The following NAALADL2 variants were observed in gnomAD, a reference collection of about 807,000 sequenced individuals.
NAALADL2 encodes N-acetylated alpha-linked acidic dipeptidase like 2.
NAALADL2 carries 76 observed loss-of-function variants against 87.2 expected under a neutral mutation model. The ratio of observed to expected loss-of-function variants is 0.87; its 90% CI spans 0.72 to 1.05. NAALADL2 has a LOEUF of 1.05. Ranked by LOEUF, NAALADL2 falls within the 50% of genes least tolerant of loss-of-function variation. The pLI, the probability that NAALADL2 is intolerant of heterozygous loss-of-function variation, is 0.00. For missense variants in NAALADL2, 1,089 were observed against 945.8 expected (o/e 1.15, Z -1.99); for synonymous variants, 354 against 331.0 (o/e 1.07, Z -0.75).
intron 2 of NAALADL2, among the ~76,000 whole-genome samples, chr3:175,211,432 T>C (rs1447707244): frequency 6.6e-6 from 1 of 151,956 alleles, no homozygotes; most frequent in South Asian, 2.1e-4. Context: ...ACACTTCCTA[T>C]TGAAACTAGT....
chr3:175,275,578 C>A (rs1753474692), intron 4 of NAALADL2, among the ~76,000 whole-genome samples: 1 of 151,302 alleles, frequency 6.6e-6, no homozygotes, highest in African/African-American at 2.5e-5. Flanking sequence ...TAAACTGTCT[C>A]CTTGTAACAA....
intron 1 of NAALADL2, among the ~76,000 whole-genome samples, chr3:175,011,273 A>G (rs1283707738): frequency 1.1e-5 from 1 of 94,538 alleles, no homozygotes; most frequent in African/African-American, 7.1e-5. Context: ...GGAGAGAGAC[A>G]GAGAGACAGA....
At chr3:175,684,882 TTTTA>T (rs1377116257) in intron 11 of NAALADL2, among the ~76,000 whole-genome samples, 4 of 152,334 alleles carry the variant, frequency 2.6e-5, no homozygotes, top group East Asian at 1.9e-4. Context: ...GAAAATATGA[TTTTA>T]TTTATTTCCT....
chr3:175,277,852 C>T (rs571548950), intron 4 of NAALADL2, among the ~76,000 whole-genome samples: 2 of 152,180 alleles, frequency 1.3e-5, no homozygotes, highest in Non-Finnish European at 1.5e-5. Context: ...TCTTTTACTA[C>T]TCAAATTCTG....
Position 175,559,434 on chromosome 3 carries a change from T to C in NAALADL2, c.1654-16607T>C, listed in dbSNP as rs577148854. 2.0e-3 allele frequency among the ~76,000 whole-genome samples: 298 copies of C among 151,920 alleles called. 2 individuals carry two copies. The highest frequency in any genetic ancestry group is 6.9e-3 in the African/African-American group (286 of 41,472). ...TTCCAATTTGGATGCCCTTTATTTT[T>C]TTCTCTTGTCTGATTGCTTTAGCTA... On this transcript the variant is annotated intron_variant, in intron 9 of 13. Transcript: ENST00000454872.
intron 11 of NAALADL2, among the ~76,000 whole-genome samples, chr3:175,686,684 T>G (rs948553142): frequency 2.6e-5 from 4 of 152,170 alleles, no homozygotes; most frequent in Non-Finnish European, 4.4e-5. Context: ...GATTATTTTC[T>G]TCGTGAAGAT....
chr3:174,476,167 A>G (rs1212438319), intron 1 of NAALADL2, among the ~76,000 whole-genome samples: 4 of 151,980 alleles, frequency 2.6e-5, no homozygotes, highest in Non-Finnish European at 5.9e-5. Flanking sequence ...GACCCCATGA[A>G]AATTTATTAA....
intron 2 of NAALADL2, among the ~76,000 whole-genome samples, chr3:174,581,170 C>T (rs1288261468): frequency 6.6e-6 from 1 of 152,108 alleles, no homozygotes; most frequent in Non-Finnish European, 1.5e-5. Flanking sequence ...AATCATTACA[C>T]TGTTTTTGAG....
intron 2 of NAALADL2, among the ~76,000 whole-genome samples, chr3:174,736,417 T>A (rs1473283873): frequency 3.3e-5 from 5 of 152,014 alleles, no homozygotes; most frequent in Non-Finnish European, 5.9e-5. Flanking sequence ...AGACCCACAT[T>A]GGGTAGCTCC....
At chr3:175,465,471 A>ATTTTTTTTTTTTTTTTTTTT (rs1560595976) in intron 7 of NAALADL2, among the ~76,000 whole-genome samples, 1 of 129,088 alleles carries the variant, frequency 7.7e-6, no homozygotes, top group Admixed American at 9.3e-5. Flanking sequence ...CATGAATTAA[A>ATTTTTTTTTTTTTTTTTTTT]TCTTTTTTTT....
Position 175,070,621 on chromosome 3 carries a change from T to C in NAALADL2, c.44-26169T>C, listed in dbSNP as rs1023818744. Among the ~76,000 whole-genome samples, 7 of 152,216 alleles carry C rather than the reference T, an allele frequency of 4.6e-5. No individual in the cohort carries two copies. The South Asian group carries it at 1.5e-3, about 32-fold the overall frequency. ...GTCACTACCTATCAAAGGAAAATTA[T>C]GCTATGGTATAGGGAATCCCAACAT... On this transcript the variant is annotated intron_variant, in intron 1 of 13. Transcript: ENST00000454872.
chr3:175,547,151 A>T (rs941408193), intron 9 of NAALADL2, among the ~76,000 whole-genome samples: 3 of 152,024 alleles, frequency 2.0e-5, no homozygotes, highest in Non-Finnish European at 4.4e-5. Context: ...AGGCATCACT[A>T]CCTGATTTCA....
At chr3:175,270,977 T>A (rs1258612163) in intron 4 of NAALADL2, 1 of 152,220 alleles carries the variant, frequency 6.6e-6, no homozygotes, top group African/African-American at 2.4e-5. Context: ...CATTCTGTAT[T>A]TATTTTTATT....
At chr3:175,448,691 AT>A (rs372499191) in intron 6 of NAALADL2, among the ~76,000 whole-genome samples, 1,983 of 152,098 alleles carry the variant, frequency 0.013, 31 homozygotes, top group Non-Finnish European at 0.015. Flanking sequence ...CTTTTTTAAA[AT>A]TTTTTTGTGT....
chr3:174,868,407 T>G (rs1345906788), intron 1 of NAALADL2, among the ~76,000 whole-genome samples: 1 of 152,146 alleles, frequency 6.6e-6, no homozygotes, highest in Non-Finnish European at 1.5e-5. Context: ...ATTAAAAACA[T>G]AAATATGCCA....
intron 2 of NAALADL2, among the ~76,000 whole-genome samples, chr3:174,678,164 A>G (rs1382423926): frequency 6.6e-6 from 1 of 152,168 alleles, no homozygotes; most frequent in Non-Finnish European, 1.5e-5. Flanking sequence ...ACTGCTTTAC[A>G]CACACTACCT....
intron 3 of NAALADL2, among the ~76,000 whole-genome samples, chr3:174,749,517 C>G (rs915426566): frequency 3.4e-5 from 5 of 146,494 alleles, no homozygotes; most frequent in African/African-American, 1.3e-4. Context: ...AAAAAAAAAA[C>G]AGCAAAAAAG....
At position 175,234,166 on chromosome 3, in the gene NAALADL2, T is replaced by C; in HGVS notation, c.781T>C (p.Tyr261His). ...ARKDSSQDLL[Y>H]SYAAYSAKGT... ...AAAAGATAGCAGCCAAGACCTGCTC[T>C]ATTCATATGCAGCCTATTCTGCCAA... The change falls in exon 3 of 14, where the codon TAT (tyrosine) becomes CAT (histidine). Residue 261 changes from tyrosine (Y) to histidine (H), a missense_variant. Coordinates refer to ENST00000454872, the MANE Select transcript of NAALADL2 (RefSeq NM_207015.3). 2 of 1,613,916 alleles carry C rather than the reference T, an allele frequency of 1.2e-6. No individual in the cohort carries two copies. Among genetic ancestry groups the C allele is most frequent in the Non-Finnish European group, 1.7e-6 (2 of 1,179,816 alleles).
Position 175,759,636 on chromosome 3 carries a change from G to A in NAALADL2, c.2189+4218G>A, listed in dbSNP as rs1222492176. Among the ~76,000 whole-genome samples the A allele has an allele frequency of 1.2e-4, 19 of 152,294 alleles. No homozygotes were observed. The East Asian group carries it at 1.7e-3, about 14-fold the overall frequency. ...CTCCCAAAGTGCTGGGATTACAGGC[G>A]TGAGCCACCATGCCCAGCCACAAAA... On this transcript the variant is annotated intron_variant, in intron 13 of 13. Transcript: ENST00000454872.
Sources: gnomAD v4.1 joint callset for allele counts (sites outside exome capture counted in the v4.1 genomes callset) on GRCh38, gnomAD v4.1.1 for gene constraint, MANE v1.5 for transcripts, NCBI Gene and HGNC (gene_info 2026-07-23, HGNC 2026-07-21) for gene names.